The following ADAMTSL3 variants were observed in gnomAD, a reference collection of about 807,000 sequenced individuals.
ADAMTSL3 encodes ADAMTS-like protein 3.
Under a neutral mutation model 201.7 loss-of-function variants are expected in ADAMTSL3, and 128 were observed. The observed-to-expected ratio is 0.63, with a 90% CI of 0.55 to 0.73. ADAMTSL3 has a LOEUF of 0.73. Among genes scored for constraint, ADAMTSL3 ranks in the 30% least tolerant of loss-of-function variants. ADAMTSL3 has a pLI of 0.00. For missense variants in ADAMTSL3, 1,990 were observed against 2,119.6 expected (o/e 0.94, Z 1.20); for synonymous variants, 738 against 748.4 (o/e 0.99, Z 0.23).
At chr15:83,938,860 A>T (rs1238438294) in intron 17 of ADAMTSL3, among the ~76,000 whole-genome samples, 1 of 152,104 alleles carries the variant, frequency 6.6e-6, no homozygotes, top group Non-Finnish European at 1.5e-5. Context: ...TTTAACTGGT[A>T]TTGCTATTTT....
At chr15:83,732,150 A>T (rs1296082956) in intron 3 of ADAMTSL3, among the ~76,000 whole-genome samples, 1 of 152,078 alleles carries the variant, frequency 6.6e-6, no homozygotes, top group Admixed American at 6.6e-5. Context: ...CCTCTTACAT[A>T]TGTACAGCTT....
At chr15:83,829,806 G>A (rs1023481250) in intron 6 of ADAMTSL3, among the ~76,000 whole-genome samples, 2 of 152,174 alleles carry the variant, frequency 1.3e-5, no homozygotes, top group Non-Finnish European at 2.9e-5. Flanking sequence ...TTCAGGAGCA[G>A]GTTGTTCAGT....
At chr15:83,963,191 G>A (rs2067006015) in intron 19 of ADAMTSL3, among the ~76,000 whole-genome samples, 1 of 152,142 alleles carries the variant, frequency 6.6e-6, no homozygotes, top group Non-Finnish European at 1.5e-5. Flanking sequence ...CCTGGAAAGG[G>A]GGCTGAAGCC....
At chr15:83,879,871 G>T (rs1002466442) in intron 9 of ADAMTSL3, among the ~76,000 whole-genome samples, 48 of 152,172 alleles carry the variant, frequency 3.2e-4, no homozygotes, top group Non-Finnish European at 5.3e-4. Context: ...AGGTTGGTAA[G>T]TATGTTCACA....
intron 2 of ADAMTSL3, among the ~76,000 whole-genome samples, chr15:83,673,525 A>T (rs1373266611): frequency 2.0e-5 from 3 of 152,026 alleles, no homozygotes; most frequent in Non-Finnish European, 4.4e-5. Context: ...TGCCCTTCCC[A>T]GGACACAGAG....
At chr15:83,860,586 A>G (rs2064833839) in intron 8 of ADAMTSL3, among the ~76,000 whole-genome samples, 1 of 152,266 alleles carries the variant, frequency 6.6e-6, no homozygotes, top group African/African-American at 2.4e-5. Flanking sequence ...TTCTCATGAT[A>G]TTAAAGGCCA....
rs181104114 is a variant in ADAMTSL3 at position 83,816,379 on chromosome 15, C to T, written c.364-3432C>T. 1.2e-3 allele frequency among the ~76,000 whole-genome samples: 181 copies of T among 152,316 alleles called. 1 individual carries two copies. Among genetic ancestry groups the T allele is most frequent in the Non-Finnish European group, 1.9e-3 (130 of 68,032 alleles). ...GTCAGCTGTGGCCAAGGGGGCTGGT[C>T]ACATGTACAAATCTGGCCACCCTGA... On this transcript the variant is annotated intron_variant, in intron 5 of 29. Coordinates refer to ENST00000286744, the MANE Select transcript of ADAMTSL3 (RefSeq NM_207517.3).
chr15:83,671,228 G>T (rs535699586), intron 2 of ADAMTSL3, among the ~76,000 whole-genome samples: 1 of 152,164 alleles, frequency 6.6e-6, no homozygotes, highest in East Asian at 1.9e-4. Context: ...TGTTTAAATT[G>T]CACAGAAATA....
intron 4 of ADAMTSL3, among the ~76,000 whole-genome samples, chr15:83,780,110 C>A (rs1037159430): frequency 2.0e-5 from 3 of 151,940 alleles, no homozygotes; most frequent in Non-Finnish European, 2.9e-5. Context: ...GACAAAAAAA[C>A]CATTCGAAAG....
At chr15:83,774,910 G>T (rs568243025) in intron 4 of ADAMTSL3, among the ~76,000 whole-genome samples, 88 of 151,814 alleles carry the variant, frequency 5.8e-4, no homozygotes, top group Non-Finnish European at 1.0e-3. Context: ...GCAGTGGTGG[G>T]ATCTGGGCTC....
intron 2 of ADAMTSL3, among the ~76,000 whole-genome samples, chr15:83,686,020 C>T (rs1252109302): frequency 6.7e-6 from 1 of 148,658 alleles, no homozygotes; most frequent in African/African-American, 2.5e-5. Flanking sequence ...TCCTCCTTCT[C>T]CTGGTCTGGC....
intron 3 of ADAMTSL3, among the ~76,000 whole-genome samples, chr15:83,772,805 A>C (rs1248704591): frequency 6.6e-6 from 1 of 151,438 alleles, no homozygotes; most frequent in African/African-American, 2.4e-5. Context: ...TCCCTGGTTC[A>C]AGTGATTCTC....
chr15:84,016,591 G>A, intron 25 of ADAMTSL3, 92 bp downstream of exon 25: 1 of 1,089,506 alleles, frequency 9.2e-7, no homozygotes, highest in East Asian at 2.5e-5. Context: ...TTTTCACTTT[G>A]CAATATGTAA....
chr15:83,760,856 A>G (rs925462408), intron 3 of ADAMTSL3, among the ~76,000 whole-genome samples: 3 of 152,052 alleles, frequency 2.0e-5, no homozygotes, highest in African/African-American at 4.8e-5. Flanking sequence ...TCTGGCCATT[A>G]TATTTAAGGA....
intron 6 of ADAMTSL3, among the ~76,000 whole-genome samples, chr15:83,820,657 A>C (rs2063848645): frequency 6.6e-6 from 1 of 152,216 alleles, no homozygotes; most frequent in Admixed American, 6.5e-5. Context: ...CTTTGGGCAC[A>C]ATGATTTATT....
At chr15:83,769,707 C>T (rs1280374300) in intron 3 of ADAMTSL3, among the ~76,000 whole-genome samples, 1 of 152,138 alleles carries the variant, frequency 6.6e-6, no homozygotes, top group African/African-American at 2.4e-5. Context: ...TGGAAAACCC[C>T]CTCTTTGCTT....
intron 9 of ADAMTSL3, among the ~76,000 whole-genome samples, chr15:83,881,379 A>G (rs966259441): frequency 2.0e-5 from 3 of 152,210 alleles, no homozygotes; most frequent in African/African-American, 7.2e-5. Context: ...CTGATGACAG[A>G]TCTGTCCAGT....
At chr15:83,844,420 A>G (rs1432885269) in intron 7 of ADAMTSL3, among the ~76,000 whole-genome samples, 1 of 152,204 alleles carries the variant, frequency 6.6e-6, no homozygotes, top group Non-Finnish European at 1.5e-5. Flanking sequence ...TTCCATAGCA[A>G]GGAAGATTGT....
At chr15:84,016,534 G>A (rs1243971463) in intron 25 of ADAMTSL3, 35 bp downstream of exon 25, 1 of 1,508,606 alleles carries the variant, frequency 6.6e-7, no homozygotes, top group African/African-American at 1.4e-5. Context: ...TTTGCTATGT[G>A]TGAGGCATGT....
Sources: gnomAD v4.1 joint callset for allele counts (sites outside exome capture counted in the v4.1 genomes callset) on GRCh38, gnomAD v4.1.1 for gene constraint, MANE v1.5 for transcripts, NCBI Gene and HGNC (gene_info 2026-07-23, HGNC 2026-07-21) for gene names.